Variants in CIZ1 observed in about 807,000 individuals in gnomAD.
CIZ1 encodes CDKN1A interacting zinc finger protein 1, also known as cip1-interacting zinc finger protein.
In CIZ1, 58 loss-of-function variants were observed where a neutral mutation model predicts 118.6. The ratio of observed to expected loss-of-function variants is 0.49; its 90% CI spans 0.40 to 0.61. The LOEUF (loss-of-function observed/expected upper bound fraction) is 0.61. Among genes scored for constraint, CIZ1 ranks in the 20% least tolerant of loss-of-function variants. The pLI, the probability that CIZ1 is intolerant of heterozygous loss-of-function variation, is 0.00. For synonymous variants in CIZ1, 448 were observed against 443.4 expected (o/e 1.01, Z -0.13); for missense variants, 921 against 1,115.9 (o/e 0.83, Z 2.49).
chr9:128,173,458 A>G (rs1187648629), intron 11 of CIZ1, among the ~76,000 whole-genome samples: 1 of 151,198 alleles, frequency 6.6e-6, no homozygotes, highest in African/African-American at 2.4e-5. Flanking sequence ...TAATTTTTTT[A>G]TAGTTTACAG....
At chr9:128,191,615 G>A, upstream of CIZ1, 1 of 1,207,036 alleles carries the variant, frequency 8.3e-7, no homozygotes, top group Non-Finnish European at 1.0e-6. The surrounding 1 kb of genome is among the most constrained non-coding windows in gnomAD (Gnocchi z 5.5). Context: ...GCCCTCTGGG[G>A]GACGGGAGGT....
intron 10 of CIZ1, 32 bp downstream of exon 10, chr9:128,177,534 C>T: frequency 9.6e-7 from 1 of 1,045,402 alleles, no homozygotes; most frequent in South Asian, 2.1e-5. Flanking sequence ...GCAGGCCCCA[C>T]CCCTCCCCAC....
At chr9:128,167,835 G>A (rs776148268) in intron 14 of CIZ1, among the ~76,000 whole-genome samples, 13 of 152,316 alleles carry the variant, frequency 8.5e-5, no homozygotes, top group South Asian at 6.2e-4. Flanking sequence ...AACCACCCCC[G>A]TTTGCTAAGC....
At chr9:128,177,459 G>A in intron 10 of CIZ1, 107 bp downstream of exon 10, 1 of 738,044 alleles carries the variant, frequency 1.4e-6, no homozygotes, top group Non-Finnish European at 2.0e-6. Context: ...GCAAATGCAT[G>A]GCTGCTTGGG....
chr9:128,198,903 C>A (rs751006477), intron 1 of CIZ1, among the ~76,000 whole-genome samples: 1 of 151,934 alleles, frequency 6.6e-6, no homozygotes, highest in Non-Finnish European at 1.5e-5. Context: ...TGGGAGAAAA[C>A]CATCGATTAC....
At chr9:128,170,158 G>T in intron 11 of CIZ1, 51 bp from the exon 12 acceptor site, 2 of 1,508,656 alleles carry the variant, frequency 1.3e-6, no homozygotes, top group Non-Finnish European at 1.8e-6. Flanking sequence ...AAAGACAGCA[G>T]CTGTCTGAGA....
intron 4 of CIZ1, 62 bp from the exon 5 acceptor site, chr9:128,185,838 C>T (rs547317894): frequency 8.7e-7 from 1 of 1,147,346 alleles, no homozygotes; most frequent in Admixed American, 1.9e-5. Flanking sequence ...AAGGTAGGGT[C>T]AGGCATCAGT....
At position 128,179,176 on chromosome 9, in the gene CIZ1, T is replaced by C. The variant is rs1831247885; in HGVS notation, c.1031A>G (p.Gln344Arg). The C allele has an allele frequency of 6.2e-7, 1 of 1,614,134 alleles. No individual in the cohort carries two copies. The highest frequency in any genetic ancestry group is 8.5e-7 in the Non-Finnish European group (1 of 1,180,022). The change falls in exon 8 of 17, where the codon CAG becomes CGG. Residue 344 changes from glutamine to arginine, a missense_variant. Physicochemically the swap from Gln to Arg is conservative, Grantham distance 43. Coordinates refer to ENST00000372938, the MANE Select transcript of CIZ1 (RefSeq NM_001131016.2). The part of the protein sequence containing the change: ...DTQVQPKLQK[Q>R]AQTQTSPEHL... The stretch of plus-strand genomic sequence containing the variant: ...CTCTGGAGAGGTCTGTGTTTGCGCC[T>C]GCTTCTGCAGCTTTGGCTGCACCTG...
chr9:128,203,537 A>G lies in CIZ1; in HGVS notation c.-6+649T>C. ...CCGGCTGCAAGACGCCTTCTCTGCC[A>G]TCGGCCAGAACGCGGACCTCGACCT... On this transcript the variant is annotated intron_variant, in intron 1 of 17. Coordinates refer to the CIZ1 transcript ENST00000372948. The surrounding 1 kb of genome is among the most constrained non-coding windows in gnomAD (Gnocchi z 5.3). The G allele has an allele frequency of 1.3e-6, 2 of 1,546,276 alleles. No individual in the cohort carries two copies. Among genetic ancestry groups the G allele is most frequent in the Admixed American group, 1.9e-5 (1 of 51,802 alleles).
chr9:128,173,196 G>C (rs981242438), intron 11 of CIZ1, among the ~76,000 whole-genome samples: 2 of 146,232 alleles, frequency 1.4e-5, no homozygotes, highest in African/African-American at 5.1e-5. Context: ...CCAGGCTGGA[G>C]TGCAGTGGCG....
At chr9:128,182,104 C>A (rs1041084823) in intron 5 of CIZ1, among the ~76,000 whole-genome samples, 1 of 152,218 alleles carries the variant, frequency 6.6e-6, no homozygotes, top group Non-Finnish European at 1.5e-5. Flanking sequence ...CCAGTGGACA[C>A]GTGACCCACG....
intron 14 of CIZ1, chr9:128,168,724 C>CAGTCTCTCCAT (rs1829758535): frequency 1.3e-5 from 4 of 315,332 alleles, no homozygotes; most frequent in African/African-American, 8.6e-5. Flanking sequence ...CTGCTGCTGT[C>CAGTCTCTCCAT]AGTCTCTCCA....
chr9:128,171,900 C>T (rs1032751755), intron 11 of CIZ1, among the ~76,000 whole-genome samples: 1 of 151,780 alleles, frequency 6.6e-6, no homozygotes, highest in Non-Finnish European at 1.5e-5. Context: ...AAAACTTCTA[C>T]ATGTTGAAAG....
chr9:128,195,840 C>T (rs921355208), upstream of CIZ1, among the ~76,000 whole-genome samples: 12 of 151,956 alleles, frequency 7.9e-5, no homozygotes, highest in African/African-American at 2.7e-4. Context: ...TCAAACCTTC[C>T]CCAGCCTCTG....
At chr9:128,172,226 C>T (rs1830232672) in intron 11 of CIZ1, among the ~76,000 whole-genome samples, 1 of 150,768 alleles carries the variant, frequency 6.6e-6, no homozygotes, top group South Asian at 2.1e-4. Flanking sequence ...GGCATGGTGG[C>T]TCACGCCTGT....
chr9:128,201,822 C>A (rs1399228442), intron 1 of CIZ1, among the ~76,000 whole-genome samples: 1 of 152,196 alleles, frequency 6.6e-6, no homozygotes, highest in African/African-American at 2.4e-5. Context: ...CTGGGTCACG[C>A]AGCTTGTTTA....
rs770349690 is a variant in CIZ1, at chr9:128,187,903, C to T, written c.318G>A (p.Thr106=). ...GCATGGTGAGACCGGCAGTGTCATA[C>T]GTGGCTGGTGGCATTGCAAACTGGT... ...GLDQFAMPPA[T]YDTAGLTMPT... The change falls in exon 4 of 17, where the codon ACG becomes ACA. Residue 106 remains threonine, a synonymous_variant. Coordinates refer to ENST00000372938, the MANE Select transcript of CIZ1 (RefSeq NM_001131016.2). The T allele has an allele frequency of 7.9e-6, 6 of 757,566 alleles. No homozygotes were observed. Among genetic ancestry groups the T allele is most frequent in the Admixed American group, 3.5e-5 (2 of 57,868 alleles). The allele number at this position is 757,566 out of a possible 1,614,324, so 46.9% of individuals were successfully genotyped here.
At chr9:128,170,595 C>T (rs947628) in intron 11 of CIZ1, among the ~76,000 whole-genome samples, 77,955 of 152,028 alleles carry the variant, frequency 0.51, 23,454 homozygotes, top group Admixed American at 0.68. Flanking sequence ...GCAGAAGTTG[C>T]AGTGAACCAA....
At chr9:128,198,234 T>C (rs1288030935) in intron 1 of CIZ1, 4 of 152,440 alleles carry the variant, frequency 2.6e-5, no homozygotes, top group Non-Finnish European at 2.9e-5. Context: ...CAGGTGCCCT[T>C]GTCCCATGTT....
Sources: allele counts gnomAD v4.1 joint callset (sites outside exome capture counted in the v4.1 genomes callset), GRCh38; gene constraint gnomAD v4.1.1; non-coding constraint Gnocchi (gnomAD v3.1); transcripts MANE v1.5; gene names NCBI Gene and HGNC (gene_info 2026-07-23, HGNC 2026-07-21).